The following ARHGAP15 variants were observed in gnomAD, a reference collection of about 807,000 sequenced individuals.
The protein encoded by ARHGAP15 is Rho GTPase activating protein 15.
Under a neutral mutation model 63.7 loss-of-function variants are expected in ARHGAP15, and 51 were observed. That is an observed-to-expected ratio of 0.80 (90% CI 0.64 to 1.01). ARHGAP15 has a LOEUF of 1.01. ARHGAP15 is among the 50% of genes least tolerant of loss of function. The pLI is 0.00. For missense variants in ARHGAP15, 560 were observed against 564.6 expected (o/e 0.99, Z 0.08); for synonymous variants, 191 against 193.8 (o/e 0.99, Z 0.12).
At chr2:143,348,253 A>G (rs1181453352) in intron 6 of ARHGAP15, among the ~76,000 whole-genome samples, 1 of 152,204 alleles carries the variant, frequency 6.6e-6, no homozygotes, top group African/African-American at 2.4e-5. Flanking sequence ...TGTTTAAGCC[A>G]AAGTTGAATT....
At chr2:143,211,279 G>A (rs1002322382) in intron 3 of ARHGAP15, among the ~76,000 whole-genome samples, 6 of 145,712 alleles carry the variant, frequency 4.1e-5, no homozygotes, top group Non-Finnish European at 6.0e-5. Context: ...ATAAATAAAA[G>A]CAATAGAAAA....
At chr2:143,742,767 G>T (rs1303620866) in intron 13 of ARHGAP15, among the ~76,000 whole-genome samples, 1 of 152,214 alleles carries the variant, frequency 6.6e-6, no homozygotes, top group Non-Finnish European at 1.5e-5. Flanking sequence ...TGGCCCGGAG[G>T]CTTGTCAGTG....
intron 13 of ARHGAP15, among the ~76,000 whole-genome samples, chr2:143,724,075 A>C (rs75245568): frequency 3.0e-5 from 3 of 99,602 alleles, no homozygotes; most frequent in Non-Finnish European, 7.4e-5. Context: ...GTGTGTGTGT[A>C]TGTGTGTGAT....
At chr2:143,354,847 T>C (rs1293689519) in intron 6 of ARHGAP15, among the ~76,000 whole-genome samples, 1 of 152,208 alleles carries the variant, frequency 6.6e-6, no homozygotes, top group African/African-American at 2.4e-5. Context: ...TGCAGTAGCA[T>C]GTTTATGAAA....
chr2:143,545,039 G>A (rs147033735), intron 10 of ARHGAP15, among the ~76,000 whole-genome samples: 5 of 152,126 alleles, frequency 3.3e-5, no homozygotes, highest in East Asian at 1.9e-4. Flanking sequence ...CAGAAGTTTC[G>A]AAAGGCAGCA....
intron 7 of ARHGAP15, 88 bp from the exon 8 acceptor site, chr2:143,436,825 C>A: frequency 7.0e-7 from 1 of 1,422,654 alleles, no homozygotes; most frequent in East Asian, 2.3e-5. Flanking sequence ...TCAAATTTCC[C>A]CATAAACAGC....
chr2:143,728,996 A>G (rs1685412877), intron 13 of ARHGAP15, among the ~76,000 whole-genome samples: 1 of 152,238 alleles, frequency 6.6e-6, no homozygotes, highest in South Asian at 2.1e-4. Context: ...AGTTACGCAG[A>G]CTTAAACCGA....
intron 6 of ARHGAP15, among the ~76,000 whole-genome samples, chr2:143,262,147 G>A (rs1574172895): frequency 6.6e-6 from 1 of 152,124 alleles, no homozygotes; most frequent in Non-Finnish European, 1.5e-5. Context: ...AGTCCACACA[G>A]AACTGTTGCA....
chr2:143,424,673 C>G (rs1291273133), intron 6 of ARHGAP15, among the ~76,000 whole-genome samples: 1 of 152,120 alleles, frequency 6.6e-6, no homozygotes, highest in Non-Finnish European at 1.5e-5. Flanking sequence ...CTCCAACATT[C>G]ATCCCTGGGT....
At chr2:143,166,403 A>G (rs1363822751) in intron 2 of ARHGAP15, among the ~76,000 whole-genome samples, 1 of 151,990 alleles carries the variant, frequency 6.6e-6, no homozygotes, top group Non-Finnish European at 1.5e-5. Context: ...CATTTCATCT[A>G]TTTATTTATT....
At chr2:143,148,254 C>G (rs541328620) in intron 1 of ARHGAP15, among the ~76,000 whole-genome samples, 1 of 152,124 alleles carries the variant, frequency 6.6e-6, no homozygotes, top group Non-Finnish European at 1.5e-5. Context: ...AAAATCATCT[C>G]CAGTCCCATT....
chr2:143,308,696 G>A (rs1277580384), intron 6 of ARHGAP15, among the ~76,000 whole-genome samples: 2 of 151,932 alleles, frequency 1.3e-5, no homozygotes, highest in African/African-American at 2.4e-5. Context: ...GTAAGTCAAC[G>A]GAGAAGTGCA....
At chr2:143,705,411 T>C (rs972519613) in intron 13 of ARHGAP15, among the ~76,000 whole-genome samples, 1 of 152,166 alleles carries the variant, frequency 6.6e-6, no homozygotes, top group Non-Finnish European at 1.5e-5. Flanking sequence ...TATGCTTTAC[T>C]CCCATTATGA....
chr2:143,321,351 T>A (rs1684010644), intron 6 of ARHGAP15, among the ~76,000 whole-genome samples: 1 of 152,248 alleles, frequency 6.6e-6, no homozygotes, highest in Admixed American at 6.5e-5. Context: ...ATAAACTGAC[T>A]TAAGTCCCTT....
chr2:143,731,187 A>G (rs1291984728), intron 13 of ARHGAP15, among the ~76,000 whole-genome samples: 42 of 152,194 alleles, frequency 2.8e-4, no homozygotes, highest in Non-Finnish European at 1.5e-5. Context: ...TGCATGTTCT[A>G]TAACCCAAAT....
intron 12 of ARHGAP15, among the ~76,000 whole-genome samples, chr2:143,661,596 C>G (rs1157655426): frequency 6.6e-6 from 1 of 152,172 alleles, no homozygotes; most frequent in Non-Finnish European, 1.5e-5. Context: ...AGGAACAGCT[C>G]CAGTCTACAG....
chr2:143,533,909 A>C (rs1226545273), intron 10 of ARHGAP15, among the ~76,000 whole-genome samples: 1 of 152,220 alleles, frequency 6.6e-6, no homozygotes. Context: ...AAAGCCATGC[A>C]TTACCAGCTG....
intron 6 of ARHGAP15, among the ~76,000 whole-genome samples, chr2:143,263,660 C>T (rs967559537): frequency 6.6e-6 from 1 of 152,196 alleles, no homozygotes; most frequent in African/African-American, 2.4e-5. Flanking sequence ...GATCTGCATG[C>T]TCTGGATACA....
At chr2:143,246,510 A>T (rs1694050562) in intron 5 of ARHGAP15, among the ~76,000 whole-genome samples, 1 of 151,972 alleles carries the variant, frequency 6.6e-6, no homozygotes, top group Non-Finnish European at 1.5e-5. Context: ...GAACACATAC[A>T]AAGTATCTTA....
Sources: allele counts gnomAD v4.1 joint callset (sites outside exome capture counted in the v4.1 genomes callset), GRCh38; gene constraint gnomAD v4.1.1; transcripts MANE v1.5; gene names NCBI Gene and HGNC (gene_info 2026-07-23, HGNC 2026-07-21).